KCNB2: variants seen among roughly 807,000 people sequenced by gnomAD.
KCNB2 encodes potassium voltage-gated channel subfamily B member 2, also known as delayed rectifier potassium channel protein.
Under a neutral mutation model 61.5 loss-of-function variants are expected in KCNB2, and 15 were observed. That is an observed-to-expected ratio of 0.24 (90% CI 0.16 to 0.38). The LOEUF (loss-of-function observed/expected upper bound fraction) is 0.38, where lower values mean the gene tolerates loss of function less well. KCNB2 is among the 10% of genes least tolerant of loss of function. The probability of loss-of-function intolerance (pLI) is 1.00; values close to 1 mark genes in which losing one functional copy is unlikely to be tolerated. For missense variants in KCNB2, 828 were observed against 1,125.2 expected (o/e 0.74, Z 3.78); for synonymous variants, 457 against 446.0 (o/e 1.02, Z -0.31).
chr8:72,896,874 A>G (rs1198637294), intron 2 of KCNB2, among the ~76,000 whole-genome samples: 1 of 152,160 alleles, frequency 6.6e-6, no homozygotes, highest in Non-Finnish European at 1.5e-5. Flanking sequence ...CATCAAAATC[A>G]GAAACTTTAT....
At chr8:72,774,915 C>G (rs1190928619) in intron 2 of KCNB2, among the ~76,000 whole-genome samples, 1 of 152,186 alleles carries the variant, frequency 6.6e-6, no homozygotes, top group Non-Finnish European at 1.5e-5. Flanking sequence ...AGACAGACAG[C>G]AACCCAACCC....
intron 2 of KCNB2, among the ~76,000 whole-genome samples, chr8:72,859,260 T>G (rs1011625414): frequency 4.6e-5 from 7 of 152,184 alleles, no homozygotes; most frequent in African/African-American, 1.7e-4. Context: ...TCCTCACGTA[T>G]AGCAAACAAA....
chr8:72,756,524 T>G (rs1808293083), intron 2 of KCNB2, among the ~76,000 whole-genome samples: 2 of 152,248 alleles, frequency 1.3e-5, no homozygotes, highest in African/African-American at 4.8e-5. Flanking sequence ...AGAACTGCCC[T>G]GGCTAATTAT....
intron 2 of KCNB2, among the ~76,000 whole-genome samples, chr8:72,657,497 G>A (rs377159133): frequency 6.6e-6 from 1 of 152,104 alleles, no homozygotes; most frequent in Non-Finnish European, 1.5e-5. Context: ...TTATGGAGAA[G>A]TTGTTAAACA....
Position 72,638,827 on chromosome 8 carries a change from C to T in KCNB2, c.579+70514C>T, listed in dbSNP as rs185775186. On this transcript the variant is annotated intron_variant, in intron 2 of 2. Coordinates refer to ENST00000523207, the MANE Select transcript of KCNB2 (RefSeq NM_004770.3). ...CTGGAAAAGCCTGGAACCTTTCCCA[C>T]TACATTGCATTGTTTTCCATCCTCA... 1.8e-4 allele frequency among the ~76,000 whole-genome samples: 28 copies of T among 152,260 alleles called. No individual in the cohort carries two copies. The East Asian group carries it at 5.0e-3, about 27-fold the overall frequency.
intron 2 of KCNB2, among the ~76,000 whole-genome samples, chr8:72,589,895 G>A (rs1807066723): frequency 6.6e-6 from 1 of 152,154 alleles, no homozygotes; most frequent in South Asian, 2.1e-4. Context: ...TGGTGGTCTA[G>A]CCTGAGCATT....
At chr8:72,611,424 T>A (rs1037087726) in intron 2 of KCNB2, among the ~76,000 whole-genome samples, 2 of 152,212 alleles carry the variant, frequency 1.3e-5, no homozygotes, top group Non-Finnish European at 2.9e-5. Flanking sequence ...CTCTTGGGTA[T>A]TTGTGACCCC....
At chr8:72,814,346 G>T (rs1210184215) in intron 2 of KCNB2, among the ~76,000 whole-genome samples, 2 of 152,134 alleles carry the variant, frequency 1.3e-5, no homozygotes, top group African/African-American at 4.8e-5. Context: ...TTCCTTTAGG[G>T]TATATCCATA....
At chr8:72,916,656 G>C (rs964590369) in intron 2 of KCNB2, among the ~76,000 whole-genome samples, 2 of 152,220 alleles carry the variant, frequency 1.3e-5, no homozygotes, top group African/African-American at 4.8e-5. Context: ...TGGCATCCAG[G>C]AGGAATGAGG....
rs539158341 is a variant in KCNB2 at position 72,601,991 on chromosome 8, T to C, written c.579+33678T>C. 9.9e-4 allele frequency among the ~76,000 whole-genome samples: 150 copies of C among 152,276 alleles called. 1 individual carries two copies. The Middle Eastern group carries it at 0.014, about 14-fold the overall frequency. On this transcript the variant is annotated intron_variant, in intron 2 of 2. Coordinates refer to ENST00000523207, the MANE Select transcript of KCNB2 (RefSeq NM_004770.3). ...AACTCAAGTTTGGTCAGCAATCAAG[T>C]AGTTGAAGGCTTATGCTTCTCTAGA... is the stretch of plus-strand genomic sequence containing the variant.
intron 1 of KCNB2, among the ~76,000 whole-genome samples, chr8:72,552,339 TGA>T (rs1806358480): frequency 6.6e-6 from 1 of 152,214 alleles, no homozygotes; most frequent in Non-Finnish European, 1.5e-5. Flanking sequence ...GAACTTGATG[TGA>T]TGATGGAAAT....
intron 2 of KCNB2, among the ~76,000 whole-genome samples, chr8:72,640,074 G>GT (rs1806031863): frequency 6.6e-6 from 1 of 151,916 alleles, no homozygotes. Context: ...GCCCAAGATG[G>GT]TATGGGGTGG....
chr8:72,547,334 T>G (rs1334358426), intron 1 of KCNB2, among the ~76,000 whole-genome samples: 1 of 152,220 alleles, frequency 6.6e-6, no homozygotes, highest in African/African-American at 2.4e-5. Flanking sequence ...TAATTTTGAC[T>G]TTCAAGCCTA....
chr8:72,851,472 TAA>T (rs1354731932), intron 2 of KCNB2, among the ~76,000 whole-genome samples: 2 of 152,172 alleles, frequency 1.3e-5, no homozygotes, highest in African/African-American at 4.8e-5. Flanking sequence ...GAAATGACCT[TAA>T]GTCTTTCTAA....
rs141918210 is a variant in KCNB2, at chr8:72,698,666, G to A, written c.579+130353G>A. On this transcript the variant is annotated intron_variant, in intron 2 of 2. Transcript: ENST00000523207. ...GCATGGTACTGGTTCAAAAACAGAC[G>A]CATATACCAACTGAGCAGAATAGAG... 2.0e-4 allele frequency among the ~76,000 whole-genome samples: 30 copies of A among 152,092 alleles called. No individual in the cohort carries two copies. The East Asian group carries it at 3.5e-3, about 18-fold the overall frequency.
chr8:72,652,571 A>G (rs1032521186), intron 2 of KCNB2, among the ~76,000 whole-genome samples: 4 of 152,136 alleles, frequency 2.6e-5, no homozygotes, highest in African/African-American at 9.7e-5. Flanking sequence ...TCCATGATCT[A>G]TAAATCTCAC....
At chr8:72,814,583 T>C (rs1249998880) in intron 2 of KCNB2, among the ~76,000 whole-genome samples, 2 of 152,204 alleles carry the variant, frequency 1.3e-5, no homozygotes. Context: ...CTTTGGCTAA[T>C]TTTGATTAAA....
chr8:72,860,423 T>C (rs1363185749), intron 2 of KCNB2, among the ~76,000 whole-genome samples: 2 of 152,242 alleles, frequency 1.3e-5, no homozygotes, highest in Non-Finnish European at 2.9e-5. Context: ...ATTTCTCTAA[T>C]GGCTAACAAT....
chr8:72,561,719 A>G lies in KCNB2; in HGVS notation c.-93-5923A>G, dbSNP rs866378431. 2.7e-3 allele frequency among the ~76,000 whole-genome samples: 64 copies of G among 24,094 alleles called. 14 individuals carry two copies. Among genetic ancestry groups the G allele is most frequent in the African/African-American group, 6.9e-3 (19 of 2,744 alleles). The allele number at this position is 24,094 out of a possible 152,430, so 15.8% of individuals were successfully genotyped here. A position where few individuals can be genotyped will look rare whatever the true frequency, so the allele number is the denominator to read the frequency against. On this transcript the variant is annotated intron_variant, in intron 1 of 2. Transcript: ENST00000523207. ...TATATATATATATATATATATATAT[A>G]TATATATATCTATATCTATATATAT... is the stretch of plus-strand genomic sequence containing the variant.
Sources: gnomAD v4.1 joint callset for allele counts (sites outside exome capture counted in the v4.1 genomes callset) on GRCh38, gnomAD v4.1.1 for gene constraint, MANE v1.5 for transcripts, NCBI Gene and HGNC (gene_info 2026-07-23, HGNC 2026-07-21) for gene names.